Variants in GID4 observed in about 807,000 individuals in gnomAD.
GID4 encodes glucose-induced degradation protein 4 homolog.
In GID4, 7 loss-of-function variants were observed where a neutral mutation model predicts 32.4. The observed-to-expected ratio is 0.22, with a 90% confidence interval of 0.12 to 0.41. GID4 has a LOEUF of 0.41. Ranked by LOEUF, GID4 falls within the 10% of genes least tolerant of loss-of-function variation. The pLI is 1.00. For missense variants in GID4, 309 were observed against 400.0 expected (o/e 0.77, Z 1.94); for synonymous variants, 166 against 170.0 (o/e 0.98, Z 0.18).
At position 18,061,666 on chromosome 17, in the gene GID4, G is replaced by A. The variant is rs1014737224; in HGVS notation, c.709-179G>A. 3.3e-5 allele frequency among the ~76,000 whole-genome samples: 5 copies of A among 152,068 alleles called. No homozygotes were observed. The highest frequency in any genetic ancestry group is 1.9e-4 in the East Asian group (1 of 5,194). Reference sequence around the variant, plus strand: ...TAGAATACTCCAGGAGCACATGGACGCTTTTTAGAAGTCAGGCTGAGACCC... The same window carrying A: ...TAGAATACTCCAGGAGCACATGGACACTTTTTAGAAGTCAGGCTGAGACCC... On this transcript the variant is annotated intron_variant, in intron 4 of 5. Coordinates refer to ENST00000268719, the MANE Select transcript of GID4 (RefSeq NM_024052.5). This position sits in a 1 kb window ranked among gnomAD's most constrained non-coding sequence, Gnocchi z 4.4.
rs1456619600 is a variant in GID4 at position 18,066,554 on chromosome 17, G to T, written c.*1311G>T. Reference sequence around the variant, plus strand: ...GGCATCAGTTGTAGCCCACAAACATGGCTAGGGCTTTGGGGATTTGGCATT... The same window carrying T: ...GGCATCAGTTGTAGCCCACAAACATTGCTAGGGCTTTGGGGATTTGGCATT... On this transcript the variant is annotated 3_prime_UTR_variant, in exon 6 of 6. Transcript: ENST00000268719. 6.6e-6 allele frequency: 1 copy of T among 151,826 alleles called. No individual in the cohort carries two copies. Among genetic ancestry groups the T allele is most frequent in the African/African-American group, 2.4e-5 (1 of 41,286 alleles). 9.4% of individuals were successfully genotyped at this position (151,826 alleles called of 1,614,324 possible). A position where few individuals can be genotyped will look rare whatever the true frequency, so the allele number is the denominator to read the frequency against.
At chr17:18,045,102 G>A in intron 1 of GID4, 45 bp from the exon 2 acceptor site, 1 of 1,503,242 alleles carries the variant, frequency 6.7e-7, no homozygotes, top group Non-Finnish European at 9.3e-7. Context: ...ATGTCCCCTA[G>A]TAAGTTTATC....
chr17:18,066,721 G>C lies in GID4; in HGVS notation c.*1478G>C, dbSNP rs968677620. Reference sequence around the variant, plus strand: ...GCATAAGAGAATGTGAAGCCCTTCAGTGAGACGAGACGAGCAATGGGAAAC... The same window carrying C: ...GCATAAGAGAATGTGAAGCCCTTCACTGAGACGAGACGAGCAATGGGAAAC... On this transcript the variant is annotated 3_prime_UTR_variant, in exon 6 of 6. Transcript: ENST00000268719. The C allele has an allele frequency of 6.6e-6, 1 of 152,202 alleles. No individual in the cohort carries two copies. The highest frequency in any genetic ancestry group is 2.4e-5 in the African/African-American group (1 of 41,442). The allele number at this position is 152,202 out of a possible 1,614,324, so 9.4% of individuals were successfully genotyped here. A position where few individuals can be genotyped will look rare whatever the true frequency, so the allele number is the denominator to read the frequency against.
At chr17:18,059,449 T>A (rs1349376287) in intron 4 of GID4, among the ~76,000 whole-genome samples, 1 of 152,238 alleles carries the variant, frequency 6.6e-6, no homozygotes, top group East Asian at 1.9e-4. Flanking sequence ...CAGGAAAGTC[T>A]CACCTCCTCT....
chr17:18,055,721 C>G (rs551483645), intron 3 of GID4, among the ~76,000 whole-genome samples: 1 of 152,242 alleles, frequency 6.6e-6, no homozygotes, highest in South Asian at 2.1e-4. Flanking sequence ...AACTCATGAT[C>G]TTAAGTGATC....
chr17:18,063,384 T>C lies in GID4; in HGVS notation c.839+1409T>C, dbSNP rs142463495. 5.3e-3 allele frequency among the ~76,000 whole-genome samples: 801 copies of C among 152,272 alleles called. 4 individuals are homozygous for C. The highest frequency in any genetic ancestry group is 0.031 in the East Asian group (158 of 5,176). On this transcript the variant is annotated intron_variant, in intron 5 of 5. Coordinates refer to ENST00000268719, the MANE Select transcript of GID4 (RefSeq NM_024052.5). ...GAGATTGCACCACTGCACTCCAGCC[T>C]GGGCGACAGAGTGAGACTGCATCTC...
chr17:18,059,830 A>G (rs1027361571), intron 4 of GID4, among the ~76,000 whole-genome samples: 3 of 152,004 alleles, frequency 2.0e-5, no homozygotes, highest in African/African-American at 7.3e-5. Context: ...TCACACCTGT[A>G]ATCCCAGCAC....
rs775244350 is a variant in GID4 at position 18,066,320 on chromosome 17, A to T, written c.*1077A>T. On this transcript the variant is annotated 3_prime_UTR_variant, in exon 6 of 6. Coordinates refer to ENST00000268719, the MANE Select transcript of GID4 (RefSeq NM_024052.5). ...CCTCCTTTTGCTACTCAAAACAGCA[A>T]TGCTTGGCGGCAGCCTTCCATGAGG... The T allele has an allele frequency of 1.3e-5, 2 of 152,582 alleles. No individual in the cohort carries two copies. Among genetic ancestry groups the T allele is most frequent in the African/African-American group, 2.4e-5 (1 of 41,464 alleles). The allele number at this position is 152,582 out of a possible 1,614,324, so 9.5% of individuals were successfully genotyped here.
chr17:18,055,957 T>A (rs2044963195), intron 3 of GID4, among the ~76,000 whole-genome samples: 1 of 152,156 alleles, frequency 6.6e-6, no homozygotes, highest in Non-Finnish European at 1.5e-5. Context: ...CAGATTCAAG[T>A]GATTCTCATC....
intron 1 of GID4, among the ~76,000 whole-genome samples, chr17:18,043,511 C>G (rs745662183): frequency 5.9e-5 from 9 of 152,298 alleles, no homozygotes; most frequent in South Asian, 4.1e-4. Context: ...TTTGCTGAAC[C>G]ATGTTAGCGT....
At chr17:18,050,400 T>C (rs534517610) in intron 2 of GID4, among the ~76,000 whole-genome samples, 4 of 152,388 alleles carry the variant, frequency 2.6e-5, no homozygotes, top group Admixed American at 6.5e-5. Flanking sequence ...TTTTGCACTT[T>C]TGAGCCATCC....
At chr17:18,059,045 C>A in intron 4 of GID4, 76 bp downstream of exon 4, 2 of 806,804 alleles carry the variant, frequency 2.5e-6, no homozygotes, top group South Asian at 1.5e-5. Context: ...TCACTCTAAC[C>A]AAGGGCTCCC....
intron 2 of GID4, among the ~76,000 whole-genome samples, chr17:18,047,452 G>A (rs1020766112): frequency 2.4e-4 from 36 of 152,346 alleles, no homozygotes; most frequent in Admixed American, 1.9e-3. Context: ...AGTAGCATTC[G>A]AAATCTTGAA....
chr17:18,059,803 C>T (rs117047546), intron 4 of GID4, among the ~76,000 whole-genome samples: 1,866 of 152,054 alleles, frequency 0.012, 13 homozygotes, highest in Non-Finnish European at 0.021. Flanking sequence ...AAGTGGGGAT[C>T]GGCCGGGCGT....
In GID4 at chr17:18,039,428, T is replaced by C. The variant is rs1030640064; in HGVS notation, c.-37T>C. The C allele has an allele frequency of 4.7e-6, 6 of 1,288,622 alleles. No individual in the cohort carries two copies. The Admixed American group carries it at 1.2e-4, about 27-fold the overall frequency. 79.8% of individuals were successfully genotyped at this position (1,288,622 alleles called of 1,614,324 possible). ...GGGGTGTGTGTGTGTCTGTGTGTGT[T>C]TGTGTGTTGTGTGTCTGTGAGTGTC... On this transcript the variant is annotated 5_prime_UTR_variant, in exon 1 of 6. Transcript: ENST00000268719. The surrounding 1 kb of genome is among the most constrained non-coding windows in gnomAD (Gnocchi z 5.3).
chr17:18,061,881 A>G lies in GID4; in HGVS notation c.745A>G (p.Ile249Val). Reference sequence around the variant, plus strand: ...GGTCCCAGATCACACGATCAAAGACATCAGTGGTGCTTCTTTTGCCGGGTT... The same window carrying G: ...GGTCCCAGATCACACGATCAAAGACGTCAGTGGTGCTTCTTTTGCCGGGTT... ...FLVPDHTIKD[I>V]SGASFAGFYY... The change falls in exon 5 of 6, where the codon ATC becomes GTC. Residue 249 changes from isoleucine to valine, a missense_variant. Coordinates refer to ENST00000268719, the MANE Select transcript of GID4 (RefSeq NM_024052.5). This position sits in a 1 kb window ranked among gnomAD's most constrained non-coding sequence, Gnocchi z 4.4. 6.2e-7 allele frequency: 1 copy of G among 1,614,104 alleles called. No homozygotes were observed. The highest frequency in any genetic ancestry group is 1.1e-5 in the South Asian group (1 of 91,082).
chr17:18,051,833 G>C (rs566399268), intron 2 of GID4, among the ~76,000 whole-genome samples: 1 of 152,262 alleles, frequency 6.6e-6, no homozygotes, highest in Non-Finnish European at 1.5e-5. Flanking sequence ...CCAGCACTTT[G>C]GGAGGCCGAG....
Position 18,067,520 on chromosome 17 carries a change from A to G in GID4, c.*2277A>G, listed in dbSNP as rs78417113. The G allele has an allele frequency of 6.6e-6, 1 of 152,618 alleles. No homozygotes were observed. Among genetic ancestry groups the G allele is most frequent in the Non-Finnish European group, 1.5e-5 (1 of 68,046 alleles). 9.5% of individuals were successfully genotyped at this position (152,618 alleles called of 1,614,324 possible). ...AGATCCTTCAGACACATCTATGAGA[A>G]GATTTGTTCATTTAAAAGTCTGCCC... On this transcript the variant is annotated 3_prime_UTR_variant, in exon 6 of 6. Transcript: ENST00000268719.
intron 2 of GID4, among the ~76,000 whole-genome samples, chr17:18,050,299 C>G (rs1396314995): frequency 1.3e-5 from 2 of 152,212 alleles, no homozygotes; most frequent in Admixed American, 1.3e-4. Context: ...GAGGAATTGC[C>G]ACATTGCAAA....
Sources: allele counts gnomAD v4.1 joint callset (sites outside exome capture counted in the v4.1 genomes callset), GRCh38; gene constraint gnomAD v4.1.1; non-coding constraint Gnocchi (gnomAD v3.1); transcripts MANE v1.5; gene names NCBI Gene and HGNC (gene_info 2026-07-23, HGNC 2026-07-21).